SLIT3: variants seen among roughly 807,000 people sequenced by gnomAD.
SLIT3 encodes slit guidance ligand 3.
A neutral mutation model predicts 184.0 loss-of-function variants in SLIT3; 68 were observed. The observed-to-expected ratio is 0.37, with a 90% CI of 0.30 to 0.45. SLIT3 has a LOEUF of 0.45. SLIT3 is among the 20% of genes least tolerant of loss of function. SLIT3 has a pLI of 1.00. For missense variants in SLIT3, 1,707 were observed against 2,026.0 expected (o/e 0.84, Z 3.02); for synonymous variants, 831 against 828.6 (o/e 1.00, Z -0.05).
At chr5:168,845,901 C>T (rs1178302997) in intron 5 of SLIT3, among the ~76,000 whole-genome samples, 4 of 152,302 alleles carry the variant, frequency 2.6e-5, no homozygotes, top group Admixed American at 6.5e-5. Flanking sequence ...ATCTTCTCCA[C>T]CTCTCAGGTG....
intron 1 of SLIT3, among the ~76,000 whole-genome samples, chr5:169,262,633 G>A (rs1024739652): frequency 7.2e-5 from 11 of 152,092 alleles, no homozygotes; most frequent in African/African-American, 7.2e-5. Flanking sequence ...TCATTCCCCT[G>A]CCATCAATCC....
chr5:168,771,785 G>T (rs1336908160), intron 14 of SLIT3, among the ~76,000 whole-genome samples: 1 of 152,214 alleles, frequency 6.6e-6, no homozygotes. Flanking sequence ...AGAAGATGTT[G>T]TAAGAAGCAC....
intron 3 of SLIT3, among the ~76,000 whole-genome samples, chr5:169,235,770 T>C (rs1171507350): frequency 6.6e-6 from 1 of 152,202 alleles, no homozygotes. Context: ...TTGTCTGATG[T>C]TTTTCACTTA....
chr5:169,247,297 T>C (rs1420199893), intron 2 of SLIT3, among the ~76,000 whole-genome samples: 1 of 152,140 alleles, frequency 6.6e-6, no homozygotes, highest in East Asian at 1.9e-4. Flanking sequence ...GGAATGCTAA[T>C]AGTCTCACAC....
intron 4 of SLIT3, among the ~76,000 whole-genome samples, chr5:169,062,674 G>A (rs112670569): frequency 6.6e-6 from 1 of 152,180 alleles, no homozygotes. Context: ...TCATGTGTTT[G>A]GTTTGTATGG....
chr5:168,786,059 G>A (rs1056213084), intron 11 of SLIT3, 81 bp from the exon 12 acceptor site: 8 of 924,096 alleles, frequency 8.7e-6, no homozygotes, highest in African/African-American at 6.5e-5. Context: ...CCATCACCTC[G>A]GCCAGTTCTG....
At chr5:168,985,772 G>A (rs1343550659) in intron 4 of SLIT3, among the ~76,000 whole-genome samples, 1 of 152,146 alleles carries the variant, frequency 6.6e-6, no homozygotes, top group African/African-American at 2.4e-5. Flanking sequence ...GCTACAGTGA[G>A]GAGAGGGCTC....
chr5:168,823,049 G>A (rs1192186469), intron 7 of SLIT3, among the ~76,000 whole-genome samples: 1 of 152,142 alleles, frequency 6.6e-6, no homozygotes, highest in East Asian at 1.9e-4. Context: ...CAGAACGGTG[G>A]TTCAGAACCA....
chr5:168,920,696 G>A (rs1283274759), intron 4 of SLIT3, among the ~76,000 whole-genome samples: 1 of 152,178 alleles, frequency 6.6e-6, no homozygotes, highest in Non-Finnish European at 1.5e-5. Flanking sequence ...CTCTTGGCGT[G>A]GGTGAACTTC....
At chr5:169,155,367 T>A (rs145833582) in intron 4 of SLIT3, among the ~76,000 whole-genome samples, 5 of 152,162 alleles carry the variant, frequency 3.3e-5, no homozygotes, top group Non-Finnish European at 7.3e-5. Context: ...CTGGCCTAAG[T>A]CACATTTACA....
chr5:168,667,721 A>T (rs985428661), intron 35 of SLIT3: 1 of 152,256 alleles, frequency 6.6e-6, no homozygotes, highest in Non-Finnish European at 1.5e-5. Flanking sequence ...AGCAACTCCC[A>T]GGCTGTTACG....
chr5:169,244,242 C>T (rs1351383296), intron 3 of SLIT3, among the ~76,000 whole-genome samples: 3 of 152,260 alleles, frequency 2.0e-5, no homozygotes, highest in Admixed American at 1.3e-4. Flanking sequence ...CGCCCACTCA[C>T]CAGTCCTTCC....
chr5:169,179,279 T>TC (rs1554104710), intron 4 of SLIT3, among the ~76,000 whole-genome samples: 12 of 120,360 alleles, frequency 1.0e-4, no homozygotes, highest in South Asian at 5.9e-4. Context: ...CCTTTTTCTT[T>TC]TTTTTTTTTT....
intron 4 of SLIT3, among the ~76,000 whole-genome samples, chr5:169,076,509 C>A (rs1269453760): frequency 6.6e-6 from 1 of 152,196 alleles, no homozygotes; most frequent in Non-Finnish European, 1.5e-5. Context: ...CCCCTTCTCC[C>A]TACCTCTCTC....
chr5:168,795,701 G>GCCACAACCAGACCGT, intron 9 of SLIT3, 123 bp from the exon 10 acceptor site: 1 of 760,666 alleles, frequency 1.3e-6, no homozygotes, highest in Non-Finnish European at 2.3e-6. Context: ...TGCACGGTCT[G>GCCACAACCAGACCGT]GTTGTGGCAG....
At chr5:169,089,159 C>A (rs1438806640) in intron 4 of SLIT3, among the ~76,000 whole-genome samples, 2 of 150,146 alleles carry the variant, frequency 1.3e-5, no homozygotes, top group Non-Finnish European at 3.0e-5. Context: ...TATCTGCACA[C>A]AAGTGCTAAT....
At chr5:169,264,392 C>T (rs1230354334) in intron 1 of SLIT3, among the ~76,000 whole-genome samples, 1 of 152,098 alleles carries the variant, frequency 6.6e-6, no homozygotes, top group African/African-American at 2.4e-5. Flanking sequence ...ACCATGTTGG[C>T]CAGGCTGGTC....
chr5:168,902,040 C>T (rs1288967433), intron 4 of SLIT3, among the ~76,000 whole-genome samples: 1 of 152,164 alleles, frequency 6.6e-6, no homozygotes, highest in African/African-American at 2.4e-5. Flanking sequence ...TATAGGTGTG[C>T]ATCACCATGC....
intron 6 of SLIT3, among the ~76,000 whole-genome samples, chr5:168,838,560 C>T (rs754774294): frequency 1.3e-4 from 20 of 152,190 alleles, no homozygotes; most frequent in Non-Finnish European, 2.8e-4. Flanking sequence ...AGAGGAAGCT[C>T]AGCTGAAGTG....
Sources: allele counts gnomAD v4.1 joint callset (sites outside exome capture counted in the v4.1 genomes callset), GRCh38; gene constraint gnomAD v4.1.1; transcripts MANE v1.5; gene names NCBI Gene and HGNC (gene_info 2026-07-23, HGNC 2026-07-21).